The following PRICKLE1 variants were observed in gnomAD, a reference collection of about 807,000 sequenced individuals.
PRICKLE1 encodes prickle-like protein 1.
A neutral mutation model predicts 70.2 loss-of-function variants in PRICKLE1; 14 were observed. That is an observed-to-expected ratio of 0.20 (90% confidence interval 0.13 to 0.31). The LOEUF (loss-of-function observed/expected upper bound fraction) is 0.31, where lower values mean the gene tolerates loss of function less well. Among genes scored for constraint, PRICKLE1 ranks in the 10% least tolerant of loss-of-function variants. PRICKLE1 has a pLI of 1.00. For missense variants in PRICKLE1, 821 were observed against 1,026.2 expected (o/e 0.80, Z 2.73); for synonymous variants, 357 against 379.9 (o/e 0.94, Z 0.70).
chr12:42,517,394 C>T (rs1411949946), intron 1 of PRICKLE1, among the ~76,000 whole-genome samples: 5 of 139,734 alleles, frequency 3.6e-5, no homozygotes, highest in Non-Finnish European at 6.1e-5. Flanking sequence ...CTCACTGCAA[C>T]CTCTGCCTCC....
intron 1 of PRICKLE1, among the ~76,000 whole-genome samples, chr12:42,585,297 C>A (rs1378476644): frequency 6.6e-6 from 1 of 152,186 alleles, no homozygotes; most frequent in Non-Finnish European, 1.5e-5. Flanking sequence ...TATGTAAAAT[C>A]TCTCTTTATA....
Position 42,456,795 on chromosome 12 carries a change from C to T in PRICKLE1, c.*3014G>A, listed in dbSNP as rs2083442089. The T allele has an allele frequency of 2.0e-5, 3 of 152,202 alleles. 1 individual carries two copies. Among genetic ancestry groups the T allele is most frequent in the African/African-American group, 7.2e-5 (3 of 41,434 alleles). The allele number at this position is 152,202 out of a possible 1,614,324, so 9.4% of individuals were successfully genotyped here. On this transcript the variant is annotated 3_prime_UTR_variant, in exon 8 of 8. Transcript: ENST00000345127. ...GCTTTATTTTCTTGCCAATTCTTTA[C>T]AGAACTGTAAGGCAGTTGCTTCTTT... is the stretch of plus-strand genomic sequence containing the variant.
chr12:42,497,466 G>A (rs556848458), intron 1 of PRICKLE1, among the ~76,000 whole-genome samples: 33 of 150,582 alleles, frequency 2.2e-4, no homozygotes, highest in Non-Finnish European at 3.5e-4. Flanking sequence ...GGCGAATGGC[G>A]TGAACCCGGG....
At chr12:42,521,272 C>T (rs1939704352) in intron 1 of PRICKLE1, among the ~76,000 whole-genome samples, 1 of 151,876 alleles carries the variant, frequency 6.6e-6, no homozygotes, top group Admixed American at 6.6e-5. Context: ...AATTGAAAGT[C>T]CAAAGAATAG....
At chr12:42,547,392 G>A (rs1237818384) in intron 1 of PRICKLE1, among the ~76,000 whole-genome samples, 1 of 152,148 alleles carries the variant, frequency 6.6e-6, no homozygotes, top group Non-Finnish European at 1.5e-5. Context: ...TGAGGCCCTT[G>A]GGCAGATTAT....
chr12:42,511,901 T>C (rs1318935622), intron 1 of PRICKLE1, among the ~76,000 whole-genome samples: 1 of 152,170 alleles, frequency 6.6e-6, no homozygotes, highest in East Asian at 1.9e-4. Flanking sequence ...TCTCCCATTA[T>C]TATAGGGAAT....
intron 1 of PRICKLE1, 108 bp from the exon 2 acceptor site, chr12:42,472,672 A>C: frequency 2.2e-6 from 2 of 927,222 alleles, no homozygotes; most frequent in South Asian, 1.5e-5. Flanking sequence ...CTGGGCCCAG[A>C]GAAAGTAACC....
intron 1 of PRICKLE1, among the ~76,000 whole-genome samples, chr12:42,554,795 G>A (rs1270042722): frequency 2.0e-5 from 3 of 151,968 alleles, no homozygotes; most frequent in Non-Finnish European, 2.9e-5. Context: ...CGAGGCTCAC[G>A]TTCTCTTCAC....
rs68143024 is a variant in PRICKLE1 at position 42,583,148 on chromosome 12, C to CGT, written c.-49+6315_-49+6316dup. Among the ~76,000 whole-genome samples the CGT allele has an allele frequency of 5.4e-3, 806 of 148,320 alleles. 4 individuals carry two copies. The highest frequency in any genetic ancestry group is 8.0e-3 in the African/African-American group (324 of 40,330). ...GCAGTTTACTATTATTAGATTGAAA[C>CGT]GTGTGTGTGTGTGTGTGTGTGTGTG... On this transcript the variant is annotated intron_variant, in intron 1 of 7. Coordinates refer to ENST00000345127, the MANE Select transcript of PRICKLE1 (RefSeq NM_153026.3).
chr12:42,484,011 T>TAAA (rs66707460), intron 1 of PRICKLE1: 2 of 20,880 alleles, frequency 9.6e-5, no homozygotes, highest in African/African-American at 2.6e-4. Flanking sequence ...GAGCCCGCAG[T>TAAA]AAAAAAAAAA....
intron 1 of PRICKLE1, among the ~76,000 whole-genome samples, chr12:42,570,060 T>TA (rs1940682136): frequency 6.6e-6 from 1 of 152,266 alleles, no homozygotes; most frequent in African/African-American, 2.4e-5. Context: ...GGCAAAGCCT[T>TA]ATAGGCTCAT....
chr12:42,467,533 G>T (rs1938147293), intron 5 of PRICKLE1, among the ~76,000 whole-genome samples: 1 of 151,964 alleles, frequency 6.6e-6, no homozygotes, highest in African/African-American at 2.4e-5. Flanking sequence ...TTGGGGTCAG[G>T]AATTCGAGAC....
At chr12:42,578,370 G>A (rs1171037934) in intron 1 of PRICKLE1, among the ~76,000 whole-genome samples, 2 of 152,060 alleles carry the variant, frequency 1.3e-5, no homozygotes, top group East Asian at 3.9e-4. Flanking sequence ...CCTCTCTGAA[G>A]ATTCTACCTC....
At chr12:42,574,208 C>T (rs1188338372) in intron 1 of PRICKLE1, among the ~76,000 whole-genome samples, 1 of 152,164 alleles carries the variant, frequency 6.6e-6, no homozygotes, top group East Asian at 1.9e-4. Context: ...TCATTATTTA[C>T]CTGAAATTCA....
At chr12:42,472,962 C>T (rs1452151716) in intron 1 of PRICKLE1, among the ~76,000 whole-genome samples, 1 of 152,132 alleles carries the variant, frequency 6.6e-6, no homozygotes, top group Non-Finnish European at 1.5e-5. Context: ...CTGCCTTGCC[C>T]ACTACTATGC....
chr12:42,578,643 A>AC lies in PRICKLE1; in HGVS notation c.-49+10821dup, dbSNP rs773930077. Among the ~76,000 whole-genome samples, 367 of 151,144 alleles carry AC rather than the reference A, an allele frequency of 2.4e-3. 2 individuals are homozygous for AC. Among genetic ancestry groups the AC allele is most frequent in the Non-Finnish European group, 2.2e-3 (147 of 67,636 alleles). On this transcript the variant is annotated intron_variant, in intron 1 of 7. Coordinates refer to ENST00000345127, the MANE Select transcript of PRICKLE1 (RefSeq NM_153026.3). ...AACTCCACTTCAGCTGGGGGGAAAA[A>AC]CCCACAAAAATGCTCCAAATAAAAT...
intron 1 of PRICKLE1, among the ~76,000 whole-genome samples, chr12:42,542,337 T>A (rs972378202): frequency 1.3e-5 from 2 of 152,128 alleles, no homozygotes; most frequent in Non-Finnish European, 2.9e-5. Flanking sequence ...CTATATTCAA[T>A]ATTCTCAATT....
At chr12:42,488,348 T>C (rs1939026116) in intron 1 of PRICKLE1, among the ~76,000 whole-genome samples, 1 of 152,168 alleles carries the variant, frequency 6.6e-6, no homozygotes, top group Non-Finnish European at 1.5e-5. Context: ...TAGGACCAGG[T>C]CCGTTCATTG....
chr12:42,472,468 G>C lies in PRICKLE1; in HGVS notation c.49C>G (p.Gln17Glu). The C allele has an allele frequency of 6.2e-7, 1 of 1,614,156 alleles. No homozygotes were observed. The highest frequency in any genetic ancestry group is 8.5e-7 in the Non-Finnish European group (1 of 1,180,036). ...PKMSKLAFGC[Q>E]RSSTSDDDSG... ...TCATCATCTGATGTGGAACTTCTCT[G>C]ACAGCCAAAGGCCAGTTTGCTCATC... The change falls in exon 2 of 8, where the codon CAG (glutamine) becomes GAG (glutamate). Residue 17 changes from glutamine to glutamate, a missense_variant. Gln to Glu is a conservative substitution (Grantham distance 29). Coordinates refer to ENST00000345127, the MANE Select transcript of PRICKLE1 (RefSeq NM_153026.3).
Sources: allele counts gnomAD v4.1 joint callset (sites outside exome capture counted in the v4.1 genomes callset), GRCh38; gene constraint gnomAD v4.1.1; transcripts MANE v1.5; gene names NCBI Gene and HGNC (gene_info 2026-07-23, HGNC 2026-07-21).